The following EGLN1 variants were observed in gnomAD, a reference collection of about 807,000 sequenced individuals.
The protein encoded by EGLN1 is egl nine homolog 1.
A neutral mutation model predicts 38.3 loss-of-function variants in EGLN1; 17 were observed. That is an observed-to-expected ratio of 0.44 (90% CI 0.30 to 0.67). EGLN1 has a LOEUF of 0.67. Ranked by LOEUF, EGLN1 falls within the 30% of genes least tolerant of loss-of-function variation. The pLI is 0.08. For missense variants in EGLN1, 477 were observed against 603.3 expected, an observed-to-expected ratio of 0.79 and a Z score of 2.19; for synonymous variants, 283 against 257.5, an observed-to-expected ratio of 1.10 and a Z score of -0.95.
chr1:231,379,630 TCA>T (rs1480813345), intron 1 of EGLN1, among the ~76,000 whole-genome samples: 1 of 152,076 alleles, frequency 6.6e-6, no homozygotes, highest in Non-Finnish European at 1.5e-5. Context: ...CAAGGTGCAC[TCA>T]CACACACCCA....
intron 1 of EGLN1, among the ~76,000 whole-genome samples, chr1:231,405,234 G>A (rs894384956): frequency 2.2e-4 from 33 of 151,990 alleles, no homozygotes; most frequent in African/African-American, 7.7e-4. Flanking sequence ...GTGCGGTGGC[G>A]CTATCTGGCC....
chr1:231,415,855 T>TC (rs1269570317), intron 1 of EGLN1, among the ~76,000 whole-genome samples: 1 of 151,704 alleles, frequency 6.6e-6, no homozygotes, highest in Non-Finnish European at 1.5e-5. Flanking sequence ...ATCTTTCTTT[T>TC]TTTTTTTTTT....
At chr1:231,411,137 T>A (rs1306174058) in intron 1 of EGLN1, among the ~76,000 whole-genome samples, 2 of 152,148 alleles carry the variant, frequency 1.3e-5, no homozygotes, top group Admixed American at 6.5e-5. Context: ...TGAATTATAA[T>A]CCCCATTGTC....
intron 1 of EGLN1, among the ~76,000 whole-genome samples, chr1:231,399,053 G>A (rs147190909): frequency 4.1e-4 from 62 of 152,272 alleles, no homozygotes; most frequent in Admixed American, 6.5e-4. Context: ...ACATTTAATG[G>A]CAGTTTGAAA....
Position 231,418,453 on chromosome 1 carries a change from T to C in EGLN1, c.891+2545A>G, listed in dbSNP as rs1213354781. ...TAAAAAAGAGCATGGGTTTGATATC[T>C]GAATGACTTAAGTTTGAACACCAGC... On this transcript the variant is annotated intron_variant, in intron 1 of 4. Transcript: ENST00000366641. Among the ~76,000 whole-genome samples, 55 of 152,244 alleles carry C rather than the reference T, an allele frequency of 3.6e-4. 1 individual carries two copies. The highest frequency in any genetic ancestry group is 3.5e-3 in the Admixed American group (54 of 15,288).
chr1:231,411,319 G>C (rs1035001247), intron 1 of EGLN1, among the ~76,000 whole-genome samples: 1 of 152,074 alleles, frequency 6.6e-6, no homozygotes, highest in South Asian at 2.1e-4. Flanking sequence ...TGCCATAATT[G>C]TAAGTTTCCT....
chr1:231,368,552 A>G (rs958113607), intron 3 of EGLN1, among the ~76,000 whole-genome samples: 15 of 152,220 alleles, frequency 9.9e-5, no homozygotes, highest in South Asian at 2.1e-4. Context: ...ATACTACAAA[A>G]GACATACTTT....
At position 231,368,724 on chromosome 1, in the gene EGLN1, T is replaced by TA. The variant is rs537330222; in HGVS notation, c.1149-1089dup. ...CAACATTTATCAGACATACAGCCAGTAATATGACAGAATGAAAAATCACAT... is the reference window on the plus strand; with the variant it reads ...CAACATTTATCAGACATACAGCCAGTAAATATGACAGAATGAAAAATCACAT... On this transcript the variant is annotated intron_variant, in intron 3 of 4. Coordinates refer to ENST00000366641, the MANE Select transcript of EGLN1 (RefSeq NM_022051.3). 3.5e-3 allele frequency among the ~76,000 whole-genome samples: 533 copies of TA among 152,272 alleles called. 9 individuals carry two copies. Among genetic ancestry groups the TA allele is most frequent in the African/African-American group, 0.012 (486 of 41,556 alleles).
intron 2 of EGLN1, among the ~76,000 whole-genome samples, chr1:231,370,918 G>A (rs1447490334): frequency 6.6e-6 from 1 of 152,168 alleles, no homozygotes; most frequent in African/African-American, 2.4e-5. Flanking sequence ...TTGAGATGGA[G>A]TCTCGCTGTC....
At chr1:231,406,707 T>C (rs1367719336) in intron 1 of EGLN1, among the ~76,000 whole-genome samples, 3 of 151,970 alleles carry the variant, frequency 2.0e-5, no homozygotes, top group African/African-American at 7.3e-5. Flanking sequence ...GTTTTTAACA[T>C]AGGGTCTATG....
chr1:231,375,758 A>G (rs1390356674), intron 1 of EGLN1, among the ~76,000 whole-genome samples: 1 of 152,222 alleles, frequency 6.6e-6, no homozygotes. Context: ...TCTTGTCACT[A>G]GCTACCCAGG....
intron 1 of EGLN1, among the ~76,000 whole-genome samples, chr1:231,391,088 T>C (rs58266664): frequency 0.095 from 3,267 of 34,556 alleles, 450 homozygotes; most frequent in Non-Finnish European, 0.18. Flanking sequence ...ATTCTGTTTT[T>C]TTTTTGTGTG....
At chr1:231,394,681 G>A (rs1264261004) in intron 1 of EGLN1, among the ~76,000 whole-genome samples, 5 of 151,288 alleles carry the variant, frequency 3.3e-5, no homozygotes, top group East Asian at 1.9e-4. Flanking sequence ...AAGCCACCAC[G>A]CCTGGCCAGT....
At chr1:231,370,023 T>C (rs974455841) in intron 3 of EGLN1, among the ~76,000 whole-genome samples, 6 of 152,186 alleles carry the variant, frequency 3.9e-5, no homozygotes, top group African/African-American at 1.4e-4. Context: ...CAGATGCTCA[T>C]TATTTGTAAA....
intron 1 of EGLN1, among the ~76,000 whole-genome samples, chr1:231,376,622 AAG>A (rs1356210190): frequency 6.6e-6 from 1 of 152,194 alleles, no homozygotes; most frequent in Non-Finnish European, 1.5e-5. Context: ...GCCCTCAGAT[AAG>A]AGGGGACTAT....
At chr1:231,406,398 T>C (rs994226568) in intron 1 of EGLN1, among the ~76,000 whole-genome samples, 1 of 152,036 alleles carries the variant, frequency 6.6e-6, no homozygotes, top group African/African-American at 2.4e-5. Flanking sequence ...ACCTAGCAAA[T>C]GTGTCTGGAG....
At chr1:231,413,477 A>G (rs1689003390) in intron 1 of EGLN1, among the ~76,000 whole-genome samples, 1 of 152,150 alleles carries the variant, frequency 6.6e-6, no homozygotes, top group Non-Finnish European at 1.5e-5. Flanking sequence ...TCAAGTCACT[A>G]TTTAAATGTC....
intron 1 of EGLN1, among the ~76,000 whole-genome samples, chr1:231,392,443 A>T (rs1688417751): frequency 1.3e-5 from 2 of 152,300 alleles, no homozygotes; most frequent in East Asian, 3.9e-4. Flanking sequence ...TATGTAGAAA[A>T]ATTGGTGGCC....
At position 231,421,439 on chromosome 1, in the gene EGLN1, C is replaced by G; in HGVS notation, c.450G>C (p.Pro150=). The G allele has an allele frequency of 7.8e-6, 12 of 1,528,838 alleles. No homozygotes were observed. Among genetic ancestry groups the G allele is most frequent in the Non-Finnish European group, 1.1e-5 (12 of 1,135,632 alleles). 94.7% of individuals were successfully genotyped at this position (1,528,838 alleles called of 1,614,324 possible). ...TCTCCTGGAACAGCGATGAGCGGGC[C>G]GGCGGCTCCTCCTTGCCGGGCTCGG... ...AEAEPGKEEP[P]ARSSLFQEKA... The change falls in exon 1 of 5, where the codon CCG becomes CCC. Residue 150 remains proline, a synonymous_variant. Transcript: ENST00000366641. The surrounding 1 kb of genome is among the most constrained non-coding windows in gnomAD (Gnocchi z 5.5).
Sources: gnomAD v4.1 joint callset for allele counts (sites outside exome capture counted in the v4.1 genomes callset) on GRCh38, gnomAD v4.1.1 for gene constraint, Gnocchi (gnomAD v3.1) non-coding constraint, MANE v1.5 for transcripts, NCBI Gene and HGNC (gene_info 2026-07-23, HGNC 2026-07-21) for gene names.